The following HEATR1 variants were observed in gnomAD, a reference collection of about 807,000 sequenced individuals.
HEATR1 encodes the protein HEAT repeat containing 1, also known as HEAT repeat-containing protein 1.
HEATR1 carries 77 observed loss-of-function variants against 248.2 expected under a neutral mutation model. The ratio of observed to expected loss-of-function variants is 0.31; its 90% CI spans 0.26 to 0.37. The LOEUF is 0.37. Ranked by LOEUF, HEATR1 falls within the 10% of genes least tolerant of loss-of-function variation. The pLI, the probability that HEATR1 is intolerant of heterozygous loss-of-function variation, is 1.00. For missense variants in HEATR1, 2,420 were observed against 2,504.9 expected, an observed-to-expected ratio of 0.97 and a Z score of 0.72; for synonymous variants, 897 against 923.1, an observed-to-expected ratio of 0.97 and a Z score of 0.51.
intron 33 of HEATR1, among the ~76,000 whole-genome samples, chr1:236,560,767 A>G (rs751588): frequency 0.64 from 98,027 of 152,114 alleles, 32,481 homozygotes; most frequent in Non-Finnish European, 0.72. Flanking sequence ...TAGAATCCAC[A>G]GAATAAAGAA....
chr1:236,575,805 C>G (rs889057798), intron 22 of HEATR1, among the ~76,000 whole-genome samples: 2 of 152,158 alleles, frequency 1.3e-5, no homozygotes, highest in Admixed American at 6.5e-5. Context: ...ACAATGAAAG[C>G]TCTAAATATA....
At chr1:236,576,757 A>T (rs1451639757) in intron 21 of HEATR1, 23 bp downstream of exon 21, 1 of 1,596,068 alleles carries the variant, frequency 6.3e-7, no homozygotes. Context: ...AACACACTCA[A>T]TCTTCTTTGC....
intron 32 of HEATR1, among the ~76,000 whole-genome samples, chr1:236,564,035 T>C (rs1298249159): frequency 6.6e-6 from 1 of 152,190 alleles, no homozygotes; most frequent in Non-Finnish European, 1.5e-5. Context: ...AGAGGATTGC[T>C]TGAGCCCAGG....
chr1:236,586,870 C>A (rs1233846191), intron 14 of HEATR1, among the ~76,000 whole-genome samples: 3 of 151,912 alleles, frequency 2.0e-5, no homozygotes, highest in Non-Finnish European at 4.4e-5. Flanking sequence ...CCAAGCACAT[C>A]CTACATGATA....
intron 21 of HEATR1, 91 bp from the exon 22 acceptor site, chr1:236,576,468 T>G: frequency 2.1e-6 from 2 of 938,386 alleles, no homozygotes; most frequent in Non-Finnish European, 3.1e-6. Flanking sequence ...ACCCAAATGA[T>G]GTGACATTGT....
intron 33 of HEATR1, among the ~76,000 whole-genome samples, chr1:236,560,600 A>G (rs1444249602): frequency 6.6e-6 from 1 of 152,242 alleles, no homozygotes; most frequent in Non-Finnish European, 1.5e-5. Flanking sequence ...TCCTGGCTGC[A>G]GGGCAGGCAC....
At chr1:236,558,104 A>C in intron 36 of HEATR1, 133 bp downstream of exon 36, 27 of 943,352 alleles carry the variant, frequency 2.9e-5, no homozygotes, top group Non-Finnish European at 3.7e-5. Context: ...ACACCCTGCA[A>C]GATCAATTCT....
chr1:236,579,604 A>G (rs1406149334), intron 20 of HEATR1, among the ~76,000 whole-genome samples: 1 of 152,234 alleles, frequency 6.6e-6, no homozygotes, highest in Non-Finnish European at 1.5e-5. Flanking sequence ...AAAGATGTCC[A>G]TATTAATTGA....
intron 23 of HEATR1, 76 bp downstream of exon 23, chr1:236,574,585 T>TA: frequency 1.4e-6 from 2 of 1,435,700 alleles, no homozygotes; most frequent in South Asian, 1.4e-5. Flanking sequence ...TTTTTTTTTT[T>TA]AACGCTGTTC....
At position 236,592,726 on chromosome 1, in the gene HEATR1, T is replaced by A; in HGVS notation, c.1194-93A>T. 5.2e-6 allele frequency: 3 copies of A among 575,656 alleles called. No homozygotes were observed. In the South Asian group the frequency reaches 6.7e-5, roughly 13 times the overall value. The allele number at this position is 575,656 out of a possible 1,614,324, so 35.7% of individuals were successfully genotyped here. A position where few individuals can be genotyped will look rare whatever the true frequency, so the allele number is the denominator to read the frequency against. On this transcript the variant is annotated intron_variant, in intron 9 of 44. Coordinates refer to ENST00000366582, the MANE Select transcript of HEATR1 (RefSeq NM_018072.6). Reference sequence around the variant, plus strand: ...CTAAGTGCTTTAGAAATATTATCTCTAATTGTCATACTTATACAAGGTATA... The same window carrying A: ...CTAAGTGCTTTAGAAATATTATCTCAAATTGTCATACTTATACAAGGTATA...
At chr1:236,553,787 C>T in intron 42 of HEATR1, 48 bp from the exon 43 acceptor site, 1 of 1,551,876 alleles carries the variant, frequency 6.4e-7, no homozygotes, top group Non-Finnish European at 8.7e-7. Context: ...TCATTTCTTT[C>T]TTCTGTTTGA....
chr1:236,560,496 A>G (rs1219478623), intron 33 of HEATR1, among the ~76,000 whole-genome samples: 1 of 152,076 alleles, frequency 6.6e-6, no homozygotes, highest in African/African-American at 2.4e-5. Flanking sequence ...AGAGGAGGGG[A>G]GAAGGGGGCG....
At position 236,574,774 on chromosome 1, in the gene HEATR1, C is replaced by G; in HGVS notation, c.3214G>C (p.Val1072Leu). Residue 1072 changes from valine (V) to leucine (L), a missense_variant, in exon 23 of 45, where the codon GTT (valine) becomes CTT (leucine). Coordinates refer to ENST00000366582, the MANE Select transcript of HEATR1 (RefSeq NM_018072.6). ...TTCGGATCCTCATTTAAAAGGGAAA[C>G]TGAAAATTCATTATACTTTCCCAGA... The part of the protein sequence containing the change: ...LTLGKYNEFS[V>L]SLLNEDPKSL... The G allele has an allele frequency of 6.2e-7, 1 of 1,613,950 alleles. No homozygotes were observed. The highest frequency in any genetic ancestry group is 8.5e-7 in the Non-Finnish European group (1 of 1,179,864).
intron 33 of HEATR1, among the ~76,000 whole-genome samples, chr1:236,560,325 A>G (rs1224973754): frequency 7.4e-5 from 8 of 107,628 alleles, no homozygotes; most frequent in Admixed American, 1.8e-4. Flanking sequence ...CTTTCACATT[A>G]TTAGGAGACA....
intron 1 of HEATR1, 22 bp from the exon 2 acceptor site, chr1:236,604,149 G>C: frequency 6.6e-7 from 1 of 1,514,496 alleles, no homozygotes; most frequent in Non-Finnish European, 8.8e-7. Context: ...TAAGCACTTT[G>C]ATAAGTTTCT....
chr1:236,597,304 G>GTACA (rs146196654), intron 5 of HEATR1, among the ~76,000 whole-genome samples: 4,398 of 147,588 alleles, frequency 0.03, 207 homozygotes, highest in African/African-American at 0.1. Context: ...CCAGGTTGCA[G>GTACA]TACAGTGGCA....
intron 28 of HEATR1, among the ~76,000 whole-genome samples, chr1:236,570,600 T>C (rs1355266478): frequency 6.6e-6 from 1 of 152,182 alleles, no homozygotes; most frequent in East Asian, 1.9e-4. Context: ...ACTTCGTGAA[T>C]ATACTAAAAT....
chr1:236,591,863 A>C, intron 11 of HEATR1, 130 bp downstream of exon 11: 1 of 534,442 alleles, frequency 1.9e-6, no homozygotes, highest in East Asian at 2.7e-5. Flanking sequence ...CAACTAGGCA[A>C]ACTGTAGAAG....
At chr1:236,558,155 A>G (rs1453485928) in intron 36 of HEATR1, 82 bp downstream of exon 36, 19 of 1,415,914 alleles carry the variant, frequency 1.3e-5, no homozygotes, top group Non-Finnish European at 1.6e-5. Context: ...CTCAGAGGAA[A>G]AAAAAAAAAA....
Sources: allele counts gnomAD v4.1 joint callset (sites outside exome capture counted in the v4.1 genomes callset), GRCh38; gene constraint gnomAD v4.1.1; transcripts MANE v1.5; gene names NCBI Gene and HGNC (gene_info 2026-07-23, HGNC 2026-07-21).